The following NAALADL2 variants were observed in gnomAD, a reference collection of about 807,000 sequenced individuals.
The protein encoded by NAALADL2 is N-acetylated alpha-linked acidic dipeptidase like 2.
A neutral mutation model predicts 87.2 loss-of-function variants in NAALADL2; 76 were observed. That is an observed-to-expected ratio of 0.87 (90% CI 0.72 to 1.05). NAALADL2 has a LOEUF of 1.05. Among genes scored for constraint, NAALADL2 ranks in the 50% least tolerant of loss-of-function variants. NAALADL2 has a pLI of 0.00. For missense variants in NAALADL2, 1,089 were observed against 945.8 expected, an observed-to-expected ratio of 1.15 and a Z score of -1.99; for synonymous variants, 354 against 331.0, an observed-to-expected ratio of 1.07 and a Z score of -0.75.
At chr3:175,052,510 A>C (rs192051641) in intron 1 of NAALADL2, among the ~76,000 whole-genome samples, 1 of 152,280 alleles carries the variant, frequency 6.6e-6, no homozygotes, top group Admixed American at 6.5e-5. Flanking sequence ...ACAAAGACAA[A>C]CAACACAGAT....
At chr3:175,344,365 A>C (rs916340003) in intron 5 of NAALADL2, among the ~76,000 whole-genome samples, 57 of 151,786 alleles carry the variant, frequency 3.8e-4, no homozygotes, top group African/African-American at 1.4e-3. Flanking sequence ...TGGTAGAAGT[A>C]GACTACCACT....
At chr3:175,293,973 A>G (rs1455335888) in intron 4 of NAALADL2, among the ~76,000 whole-genome samples, 1 of 152,204 alleles carries the variant, frequency 6.6e-6, no homozygotes, top group Non-Finnish European at 1.5e-5. Context: ...TGTAAAGAAG[A>G]CATCCTAGTG....
chr3:174,934,814 CAT>C (rs1464010152), intron 1 of NAALADL2, among the ~76,000 whole-genome samples: 3 of 151,806 alleles, frequency 2.0e-5, no homozygotes, highest in Admixed American at 6.6e-5. Flanking sequence ...AGTAATAAAA[CAT>C]AAAGTTTGAA....
At chr3:174,917,311 T>C (rs559747582) in intron 1 of NAALADL2, among the ~76,000 whole-genome samples, 1 of 152,260 alleles carries the variant, frequency 6.6e-6, no homozygotes, top group South Asian at 2.1e-4. Flanking sequence ...AGACAGCACA[T>C]TTGCATTGTG....
At chr3:175,146,720 A>G (rs1730799302) in intron 2 of NAALADL2, among the ~76,000 whole-genome samples, 1 of 152,174 alleles carries the variant, frequency 6.6e-6, no homozygotes, top group South Asian at 2.1e-4. Context: ...CCTTGTAATT[A>G]CTTGACAAAA....
At chr3:174,669,096 T>A (rs1180985288) in intron 2 of NAALADL2, among the ~76,000 whole-genome samples, 1 of 152,188 alleles carries the variant, frequency 6.6e-6, no homozygotes, top group African/African-American at 2.4e-5. Flanking sequence ...TTCCTGACTT[T>A]GTAATGATTG....
chr3:175,244,472 C>A (rs1178122386), intron 3 of NAALADL2, among the ~76,000 whole-genome samples: 1 of 151,944 alleles, frequency 6.6e-6, no homozygotes, highest in Non-Finnish European at 1.5e-5. Flanking sequence ...TGTTGAGCAA[C>A]CAACCGAGAT....
Position 175,755,492 on chromosome 3 carries a change from C to A in NAALADL2, c.2189+74C>A, listed in dbSNP as rs927353612. On this transcript the variant is annotated intron_variant, in intron 13 of 13. Coordinates refer to ENST00000454872, the MANE Select transcript of NAALADL2 (RefSeq NM_207015.3). ...TTATGTTTAACTTTCAGAATACATA[C>A]CTTCTATGAACATAACAGTAGTGTA... The A allele has an allele frequency of 1.8e-5, 20 of 1,114,308 alleles. No individual in the cohort carries two copies. The African/African-American group carries it at 2.7e-4, about 15-fold the overall frequency. 69.0% of individuals were successfully genotyped at this position (1,114,308 alleles called of 1,614,324 possible). A position where few individuals can be genotyped will look rare whatever the true frequency, so the allele number is the denominator to read the frequency against.
intron 1 of NAALADL2, among the ~76,000 whole-genome samples, chr3:174,898,232 A>G (rs1246492934): frequency 6.6e-6 from 1 of 151,468 alleles, no homozygotes; most frequent in Non-Finnish European, 1.5e-5. Flanking sequence ...GTACAGAAAG[A>G]CAAATATCAC....
intron 2 of NAALADL2, among the ~76,000 whole-genome samples, chr3:175,173,025 T>A (rs1735089635): frequency 6.6e-6 from 1 of 151,992 alleles, no homozygotes; most frequent in Non-Finnish European, 1.5e-5. Context: ...GTGCGGTGGC[T>A]CACCCCTATG....
intron 2 of NAALADL2, among the ~76,000 whole-genome samples, chr3:175,151,698 ATG>A: frequency 6.6e-6 from 1 of 152,266 alleles, no homozygotes; most frequent in Non-Finnish European, 1.5e-5. Flanking sequence ...ATACACGCAC[ATG>A]CATACATACT....
intron 1 of NAALADL2, among the ~76,000 whole-genome samples, chr3:174,544,565 T>TTG (rs1722551868): frequency 7.0e-6 from 1 of 142,764 alleles, no homozygotes; most frequent in African/African-American, 2.7e-5. Flanking sequence ...TTTTTTTGTT[T>TTG]TCTTTTTTTT....
At chr3:174,453,187 G>GCTTGA (rs766221114) in intron 1 of NAALADL2, among the ~76,000 whole-genome samples, 81 of 152,248 alleles carry the variant, frequency 5.3e-4, no homozygotes, top group Non-Finnish European at 1.1e-3. Context: ...GAGTCTCAGA[G>GCTTGA]CTTGAAGACT....
At position 175,755,310 on chromosome 3, in the gene NAALADL2, C is replaced by T; in HGVS notation, c.2081C>T (p.Ala694Val). Residue 694 changes from alanine (A) to valine (V), a missense_variant, in exon 13 of 14, where the codon GCT becomes GTT. Coordinates refer to ENST00000454872, the MANE Select transcript of NAALADL2 (RefSeq NM_207015.3). ...TTTCAGTCTGATGAGATGCGACCTG[C>T]TAATGATCCCAAGGAGAGAGCACCC... ...ELFQSDEMRP[A>V]NDPKERAPIR... The T allele has an allele frequency of 1.2e-6, 2 of 1,613,610 alleles. No homozygotes were observed. Among genetic ancestry groups the T allele is most frequent in the Non-Finnish European group, 1.7e-6 (2 of 1,179,764 alleles).
At chr3:175,334,984 A>C (rs1039441883) in intron 5 of NAALADL2, among the ~76,000 whole-genome samples, 3 of 152,104 alleles carry the variant, frequency 2.0e-5, no homozygotes, top group African/African-American at 7.2e-5. Flanking sequence ...TTGTGTGAAG[A>C]CTGGATGACT....
At chr3:175,471,489 G>C in intron 8 of NAALADL2, 150 bp from the exon 9 acceptor site, 1 of 435,330 alleles carries the variant, frequency 2.3e-6, no homozygotes, top group Non-Finnish European at 3.9e-6. Flanking sequence ...AAAAAAAAAA[G>C]AAAGAAAGAA....
intron 2 of NAALADL2, among the ~76,000 whole-genome samples, chr3:175,126,066 T>A (rs914345276): frequency 1.3e-5 from 2 of 152,036 alleles, no homozygotes; most frequent in African/African-American, 4.8e-5. Context: ...CATAAAACAA[T>A]GAGATCTGGC....
rs961147449 is a variant in NAALADL2, at chr3:174,897,653, G to A, written c.43+38203G>A. On this transcript the variant is annotated intron_variant, in intron 1 of 13. Coordinates refer to ENST00000454872, the MANE Select transcript of NAALADL2 (RefSeq NM_207015.3). ...AATATAGTTACCGTATGATCTGGCA[G>A]TCTCACTGCTGGGTATATACCCAAA... 2.6e-5 allele frequency among the ~76,000 whole-genome samples: 4 copies of A among 152,242 alleles called. No individual in the cohort carries two copies. In the East Asian group the frequency reaches 7.7e-4, roughly 29 times the overall value.
chr3:175,503,082 C>T (rs1215377866), intron 9 of NAALADL2, among the ~76,000 whole-genome samples: 1 of 152,016 alleles, frequency 6.6e-6, no homozygotes, highest in East Asian at 1.9e-4. Context: ...ACCTTCCACC[C>T]ACCATCTACC....
Sources: gnomAD v4.1 joint callset for allele counts (sites outside exome capture counted in the v4.1 genomes callset) on GRCh38, gnomAD v4.1.1 for gene constraint, MANE v1.5 for transcripts, NCBI Gene and HGNC (gene_info 2026-07-23, HGNC 2026-07-21) for gene names.